The following IL7 variants were observed in gnomAD, a reference collection of about 807,000 sequenced individuals.
IL7 encodes the protein interleukin-7.
IL7 carries 3 observed loss-of-function variants against 21.6 expected under a neutral mutation model. The observed-to-expected ratio is 0.14, with a 90% CI of 0.06 to 0.36. The LOEUF (loss-of-function observed/expected upper bound fraction) is 0.36. Ranked by LOEUF, IL7 falls within the 10% of genes least tolerant of loss-of-function variation. The pLI is 1.00. For synonymous variants in IL7, 62 were observed against 68.1 expected, an observed-to-expected ratio of 0.91 and a Z score of 0.44; for missense variants, 175 against 200.2, an observed-to-expected ratio of 0.87 and a Z score of 0.76.
chr8:78,788,266 T>C (rs1297116608), intron 2 of IL7, among the ~76,000 whole-genome samples: 1 of 152,076 alleles, frequency 6.6e-6, no homozygotes, highest in African/African-American at 2.4e-5. Flanking sequence ...CTAATTTCAT[T>C]ATTTATTTTC....
chr8:78,717,250 T>C (rs1434407716), downstream of IL7: 10 of 1,316,862 alleles, frequency 7.6e-6, no homozygotes, highest in Non-Finnish European at 1.0e-5. Context: ...GTTATATTTA[T>C]GTCCTGTTTC....
intron 1 of IL7, among the ~76,000 whole-genome samples, chr8:78,801,625 A>G (rs1814064075): frequency 6.6e-6 from 1 of 152,202 alleles, no homozygotes. Context: ...GGTTTGTGTG[A>G]CTGTGTAAAT....
At chr8:78,786,730 C>T (rs1813520567) in intron 2 of IL7, among the ~76,000 whole-genome samples, 1 of 152,158 alleles carries the variant, frequency 6.6e-6, no homozygotes. Context: ...TCCTGACACA[C>T]AACCCATAAA....
intron 1 of IL7, among the ~76,000 whole-genome samples, chr8:78,802,509 C>T (rs1044986379): frequency 2.0e-5 from 3 of 151,704 alleles, no homozygotes; most frequent in African/African-American, 4.9e-5. Context: ...CGGCTCACTG[C>T]AACCTCAGCC....
intron 2 of IL7, among the ~76,000 whole-genome samples, chr8:78,753,270 CCATT>C (rs1244153050): frequency 6.6e-6 from 1 of 152,118 alleles, no homozygotes; most frequent in Admixed American, 6.5e-5. Context: ...TTAATGATCG[CCATT>C]CTAACTGGTG....
intron 4 of IL7, among the ~76,000 whole-genome samples, chr8:78,736,955 G>A (rs1475401316): frequency 6.6e-6 from 1 of 152,120 alleles, no homozygotes. Flanking sequence ...TAAAAAGCTT[G>A]TAGCGTGCCT....
At chr8:78,738,714 G>T in intron 3 of IL7, 79 bp from the exon 4 acceptor site, 1 of 1,386,818 alleles carries the variant, frequency 7.2e-7, no homozygotes, top group Non-Finnish European at 9.8e-7. Context: ...GGAGCCTAGA[G>T]CTTGAGCTAT....
At chr8:78,726,225 T>C (rs894535657) in intron 3 of IL7, among the ~76,000 whole-genome samples, 1 of 152,170 alleles carries the variant, frequency 6.6e-6, no homozygotes, top group East Asian at 1.9e-4. Context: ...TTGTTTACTA[T>C]ACTTGTTTCT....
chr8:78,719,379 T>C (rs1265780837), intron 5 of IL7: 1 of 151,752 alleles, frequency 6.6e-6, no homozygotes, highest in Non-Finnish European at 1.5e-5. Context: ...AGAAATCATC[T>C]AGTTCCAGAG....
intron 2 of IL7, among the ~76,000 whole-genome samples, chr8:78,790,921 CA>C (rs35799851): frequency 0.098 from 13,607 of 138,736 alleles, 647 homozygotes; most frequent in Middle Eastern, 0.17. Context: ...AAAACAATCT[CA>C]AAAAAAAAAA....
chr8:78,744,227 G>T (rs1371671682), intron 2 of IL7, among the ~76,000 whole-genome samples: 1 of 151,526 alleles, frequency 6.6e-6, no homozygotes, highest in Non-Finnish European at 1.5e-5. Context: ...CCCTCCCTCT[G>T]AGACCTCTGT....
Position 78,761,263 on chromosome 8 carries a change from A to G in IL7, c.148-21181T>C, listed in dbSNP as rs1031517968. On this transcript the variant is annotated intron_variant, in intron 2 of 5. Transcript: ENST00000263851. Reference sequence around the variant, plus strand: ...GTTGTGGTGATCGATGGAAAAAAGAACAAACTTCCTCGATTGTTCCTAATG... The same window carrying G: ...GTTGTGGTGATCGATGGAAAAAAGAGCAAACTTCCTCGATTGTTCCTAATG... The G allele has an allele frequency of 6.8e-6, 11 of 1,606,374 alleles. No homozygotes were observed. In the Admixed American group the frequency reaches 1.7e-4, roughly 25 times the overall value.
chr8:78,732,328 C>T (rs188472933), downstream of IL7, among the ~76,000 whole-genome samples: 7 of 152,102 alleles, frequency 4.6e-5, no homozygotes, highest in East Asian at 1.4e-3. Context: ...AGCTATCGCA[C>T]CAGTGAAGGT....
chr8:78,797,477 C>CAG (rs138975783), intron 2 of IL7, among the ~76,000 whole-genome samples: 28 of 150,810 alleles, frequency 1.9e-4, no homozygotes, highest in African/African-American at 6.8e-4. Context: ...GGAAACAGTG[C>CAG]AGAGAGAGAG....
At chr8:78,731,943 T>C (rs990390756), downstream of IL7, among the ~76,000 whole-genome samples, 3 of 152,234 alleles carry the variant, frequency 2.0e-5, no homozygotes, top group Middle Eastern at 3.4e-3. Context: ...AGAGAGAATA[T>C]ATTTTTTTAA....
chr8:78,711,885 T>G, intron 3 of IL7: 1 of 570,518 alleles, frequency 1.8e-6, no homozygotes, highest in Admixed American at 2.9e-5. Context: ...ATTAAGGACT[T>G]GGGGAGTAGA....
chr8:78,698,589 G>T, intron 3 of IL7: 2 of 1,112,950 alleles, frequency 1.8e-6, no homozygotes, highest in South Asian at 2.0e-5. Flanking sequence ...TTTGATAATT[G>T]CTTTTTCATT....
At chr8:78,766,873 T>G (rs1186013358) in intron 2 of IL7, among the ~76,000 whole-genome samples, 1 of 152,138 alleles carries the variant, frequency 6.6e-6, no homozygotes, top group East Asian at 1.9e-4. Context: ...TATATGTATT[T>G]TTAAAATAAT....
At chr8:78,684,358 C>T (rs1391403667) in intron 4 of IL7, among the ~76,000 whole-genome samples, 1 of 152,164 alleles carries the variant, frequency 6.6e-6, no homozygotes, top group East Asian at 1.9e-4. Flanking sequence ...CAGGCAAGAG[C>T]GTGTGTGCAG....
Sources: allele counts gnomAD v4.1 joint callset (sites outside exome capture counted in the v4.1 genomes callset), GRCh38; gene constraint gnomAD v4.1.1; transcripts MANE v1.5; gene names NCBI Gene and HGNC (gene_info 2026-07-23, HGNC 2026-07-21).